Variants in ADGRL4 observed in about 807,000 individuals in gnomAD.
ADGRL4 encodes adhesion G protein-coupled receptor L4.
A neutral mutation model predicts 74.8 loss-of-function variants in ADGRL4; 90 were observed. The ratio of observed to expected loss-of-function variants is 1.20; its 90% CI spans 1.02 to 1.43. The LOEUF (loss-of-function observed/expected upper bound fraction) is 1.43. Ranked by LOEUF, ADGRL4 falls within the 40% of genes most tolerant of loss-of-function variation. The pLI is 0.00. For synonymous variants in ADGRL4, 311 were observed against 279.2 expected, an observed-to-expected ratio of 1.11 and a Z score of -1.14; for missense variants, 881 against 814.3, an observed-to-expected ratio of 1.08 and a Z score of -1.00.
At chr1:78,903,185 G>A (rs891505122) in intron 12 of ADGRL4, among the ~76,000 whole-genome samples, 1 of 152,106 alleles carries the variant, frequency 6.6e-6, no homozygotes, top group Admixed American at 6.6e-5. Flanking sequence ...TCAAGGTGGA[G>A]GAATCCACCC....
At chr1:79,004,094 A>G (rs1485824003) in intron 2 of ADGRL4, among the ~76,000 whole-genome samples, 2 of 152,060 alleles carry the variant, frequency 1.3e-5, no homozygotes, top group African/African-American at 4.8e-5. Context: ...ACAAGATACA[A>G]CTTGTTTTTG....
chr1:78,963,185 A>T (rs1649988218), intron 2 of ADGRL4, among the ~76,000 whole-genome samples: 2 of 152,248 alleles, frequency 1.3e-5, no homozygotes, highest in African/African-American at 4.8e-5. Context: ...CCAGGTATAA[A>T]TATGTCAAAC....
At position 78,927,020 on chromosome 1, in the gene ADGRL4, A is replaced by G. The variant is rs373137416; in HGVS notation, c.949T>C (p.Leu317=). The change falls in exon 8 of 15, where the codon TTG becomes CTG. Residue 317 remains leucine, a synonymous_variant. Transcript: ENST00000370742. ...PLLSSSDNFL[L]KPQNYDNSEE... ...GAATTATCATAATTTTGAGGTTTCA[A>G]TAAGAAGTTGTCAGATGATGAAAGC... The G allele has an allele frequency of 1.9e-6, 3 of 1,610,938 alleles. No homozygotes were observed. The highest frequency in any genetic ancestry group is 2.5e-6 in the Non-Finnish European group (3 of 1,177,976).
chr1:78,999,167 T>A lies in ADGRL4; in HGVS notation c.172+5903A>T, dbSNP rs185749889. ...GCTGATGCCCTAAAAATTGGGACTA[T>A]AGACAACTGACATTTCCAGAATAAC... On this transcript the variant is annotated intron_variant, in intron 2 of 14. Transcript: ENST00000370742. Among the ~76,000 whole-genome samples the A allele has an allele frequency of 4.9e-4, 75 of 152,274 alleles. 2 individuals are homozygous for A. In the East Asian group the frequency reaches 5.8e-3, roughly 12 times the overall value.
At chr1:78,977,502 T>A (rs1360202520) in intron 2 of ADGRL4, among the ~76,000 whole-genome samples, 1 of 151,890 alleles carries the variant, frequency 6.6e-6, no homozygotes, top group Non-Finnish European at 1.5e-5. Context: ...TGCAAAGGAC[T>A]AAATATATCC....
rs763893751 is a variant in ADGRL4, at chr1:78,939,203, A to G, written c.381T>C (p.Asn127=). Residue 127 remains asparagine (N), a synonymous_variant, in exon 4 of 15, where the codon AAT becomes AAC. Coordinates refer to ENST00000370742, the MANE Select transcript of ADGRL4 (RefSeq NM_022159.4). ...LDNVCIAANI[N]KTLTKIRSIK... ...TTCTACTTACTTTTGTTAAAGTTTT[A>G]TTAATATTTGCAGCTATACAGACAT... The G allele has an allele frequency of 1.9e-6, 3 of 1,561,096 alleles. No individual in the cohort carries two copies. The highest frequency in any genetic ancestry group is 2.6e-6 in the Non-Finnish European group (3 of 1,158,780).
intron 12 of ADGRL4, among the ~76,000 whole-genome samples, chr1:78,905,998 A>G (rs1306667714): frequency 6.6e-6 from 1 of 152,032 alleles, no homozygotes; most frequent in East Asian, 1.9e-4. Context: ...TTCTCCAGGA[A>G]TAACTCTGAG....
At chr1:78,959,935 A>G (rs749128774) in intron 2 of ADGRL4, among the ~76,000 whole-genome samples, 23 of 152,214 alleles carry the variant, frequency 1.5e-4, no homozygotes, top group Non-Finnish European at 2.5e-4. Flanking sequence ...GTAATATAAT[A>G]TAAAGAATAA....
Position 78,938,207 on chromosome 1 carries a change from T to C in ADGRL4, c.469A>G (p.Thr157Ala). 6.2e-7 allele frequency: 1 copy of C among 1,611,902 alleles called. No homozygotes were observed. The highest frequency in any genetic ancestry group is 2.2e-5 in the East Asian group (1 of 44,726). Residue 157 changes from threonine (T) to alanine (A), a missense_variant, in exon 5 of 15, where the codon ACA (threonine) becomes GCA (alanine). Physicochemically the swap from Thr to Ala is moderately conservative, Grantham distance 58. Transcript: ENST00000370742. ...YRNSVTDLSP[T>A]DIITYIEILA... is the part of the protein sequence containing the mutation. ...ATTTCTATATATGTAATTATATCTG[T>C]TGGTGAAAGATCTGTCACAGAATTT... is the stretch of plus-strand genomic sequence containing the variant.
At chr1:78,903,189 T>A (rs1021220632) in intron 12 of ADGRL4, among the ~76,000 whole-genome samples, 1 of 152,184 alleles carries the variant, frequency 6.6e-6, no homozygotes, top group Admixed American at 6.6e-5. Context: ...GGTGGAGGAA[T>A]CCACCCTCTT....
At chr1:78,917,432 T>C (rs1312087158) in intron 12 of ADGRL4, among the ~76,000 whole-genome samples, 3 of 150,744 alleles carry the variant, frequency 2.0e-5, no homozygotes, top group Admixed American at 2.0e-4. Context: ...AAAGTATATA[T>C]TAAAAAATGT....
intron 12 of ADGRL4, among the ~76,000 whole-genome samples, chr1:78,906,038 G>A (rs1180304852): frequency 1.3e-5 from 2 of 151,928 alleles, no homozygotes; most frequent in Non-Finnish European, 2.9e-5. Flanking sequence ...TACATCTGTT[G>A]ATGTGGATAG....
intron 8 of ADGRL4, among the ~76,000 whole-genome samples, chr1:78,924,649 T>A (rs760312228): frequency 2.6e-5 from 4 of 152,054 alleles, no homozygotes; most frequent in Admixed American, 2.0e-4. Context: ...TATAATTCTG[T>A]CAAAGATTTT....
At chr1:78,913,415 C>T (rs1648803402) in intron 12 of ADGRL4, among the ~76,000 whole-genome samples, 1 of 151,900 alleles carries the variant, frequency 6.6e-6, no homozygotes, top group South Asian at 2.1e-4. Flanking sequence ...AGAAAACATG[C>T]ATATACACCG....
chr1:78,945,651 C>A (rs1243180788), intron 3 of ADGRL4, among the ~76,000 whole-genome samples: 1 of 151,946 alleles, frequency 6.6e-6, no homozygotes, highest in Non-Finnish European at 1.5e-5. Context: ...CTAGGTACTC[C>A]CTTCAGACAC....
At chr1:78,903,085 T>C (rs1251262510) in intron 12 of ADGRL4, among the ~76,000 whole-genome samples, 1 of 152,188 alleles carries the variant, frequency 6.6e-6, no homozygotes, top group East Asian at 1.9e-4. Flanking sequence ...ACTTAAAATA[T>C]GAATGACACT....
At chr1:78,896,558 A>G (rs79347509) in intron 12 of ADGRL4, among the ~76,000 whole-genome samples, 1,913 of 152,248 alleles carry the variant, frequency 0.013, 37 homozygotes, top group African/African-American at 0.043. Flanking sequence ...ACATGTTCAG[A>G]ATATGACCAC....
intron 2 of ADGRL4, among the ~76,000 whole-genome samples, chr1:78,973,777 T>C (rs1650222793): frequency 1.3e-5 from 2 of 151,814 alleles, no homozygotes; most frequent in East Asian, 1.9e-4. Context: ...AAATATCCAC[T>C]GGTGCTAAAG....
At chr1:78,901,154 T>C (rs1285206239) in intron 12 of ADGRL4, among the ~76,000 whole-genome samples, 1 of 152,172 alleles carries the variant, frequency 6.6e-6, no homozygotes, top group African/African-American at 2.4e-5. Context: ...TTTGGGGGCA[T>C]ATTTACACTT....
Sources: gnomAD v4.1 joint callset for allele counts (sites outside exome capture counted in the v4.1 genomes callset) on GRCh38, gnomAD v4.1.1 for gene constraint, MANE v1.5 for transcripts, NCBI Gene and HGNC (gene_info 2026-07-23, HGNC 2026-07-21) for gene names.